BTG3: variants seen among roughly 807,000 people sequenced by gnomAD.
BTG3 encodes the protein BTG anti-proliferation factor 3, also known as protein BTG3.
Under a neutral mutation model 25.8 loss-of-function variants are expected in BTG3, and 4 were observed. The ratio of observed to expected loss-of-function variants is 0.16; its 90% CI spans 0.08 to 0.36. BTG3 has a LOEUF of 0.36. Among genes scored for constraint, BTG3 ranks in the 10% least tolerant of loss-of-function variants. The pLI is 1.00. For missense variants in BTG3, 201 were observed against 304.9 expected (o/e 0.66, Z 2.54); for synonymous variants, 107 against 99.9 (o/e 1.07, Z -0.42).
intron 2 of BTG3, among the ~76,000 whole-genome samples, chr21:17,605,336 G>A (rs1467779947): frequency 2.0e-5 from 3 of 152,070 alleles, no homozygotes; most frequent in Admixed American, 1.3e-4. Context: ...GTTTCTATAG[G>A]CCAAGTTCCT....
chr21:17,604,146 TA>T, intron 3 of BTG3: 1 of 1,282,846 alleles, frequency 7.8e-7, no homozygotes, highest in Admixed American at 2.6e-5. Context: ...GTCACTTACA[TA>T]ATCAAAAAGG....
In BTG3 at chr21:17,610,934, T is replaced by C. The variant is rs1014490354; in HGVS notation, c.-9+1765A>G. Among the ~76,000 whole-genome samples, 6 of 152,284 alleles carry C rather than the reference T, an allele frequency of 3.9e-5. No homozygotes were observed. The South Asian group carries it at 6.2e-4, about 16-fold the overall frequency. On this transcript the variant is annotated intron_variant, in intron 1 of 4. Coordinates refer to ENST00000348354, the MANE Select transcript of BTG3 (RefSeq NM_006806.5). ...TCACTGTGAAATAAATTCTACACAGTTATCTGAGAGGTGTGCTGGCAGCCG... is the reference window on the plus strand; with the variant it reads ...TCACTGTGAAATAAATTCTACACAGCTATCTGAGAGGTGTGCTGGCAGCCG...
chr21:17,608,825 G>A (rs1487794778), intron 2 of BTG3, 147 bp downstream of exon 2: 19 of 763,610 alleles, frequency 2.5e-5, no homozygotes, highest in Non-Finnish European at 3.5e-5. Context: ...TTTAAAATGA[G>A]TAAGGAGAAA....
At chr21:17,605,449 CAGAT>C (rs2061626917) in intron 2 of BTG3, among the ~76,000 whole-genome samples, 2 of 152,178 alleles carry the variant, frequency 1.3e-5, no homozygotes, top group Non-Finnish European at 2.9e-5. Context: ...TTTTATATCT[CAGAT>C]AGTAAAGTGG....
At chr21:17,610,313 A>T (rs2061702381) in intron 1 of BTG3, among the ~76,000 whole-genome samples, 1 of 152,232 alleles carries the variant, frequency 6.6e-6, no homozygotes, top group African/African-American at 2.4e-5. Flanking sequence ...TAAATGGGTG[A>T]ATTGCATGGT....
At chr21:17,601,981 C>T in intron 3 of BTG3, among the ~76,000 whole-genome samples, 1 of 152,154 alleles carries the variant, frequency 6.6e-6, no homozygotes, top group Admixed American at 6.5e-5. Context: ...GACTATACTA[C>T]TATAACATTA....
In BTG3 at chr21:17,598,641, A is replaced by G. The variant is rs757862214; in HGVS notation, c.495T>C (p.Thr165=). The change falls in exon 4 of 5, where the codon ACT becomes ACC. Residue 165 remains threonine (T), a synonymous_variant. Transcript: ENST00000348354. ...CCTGGTACACAGGACTTGCGGCTGC[A>G]GTCACCGAACTGGGTTTCACTTCCA... ...KEMEVKPSSV[T]AAASPVYQIS... is the part of the protein sequence containing the mutation. 6.2e-6 allele frequency: 10 copies of G among 1,614,108 alleles called. No individual in the cohort carries two copies. Among genetic ancestry groups the G allele is most frequent in the Non-Finnish European group, 6.8e-6 (8 of 1,180,014 alleles).
intron 3 of BTG3, among the ~76,000 whole-genome samples, chr21:17,603,903 A>C (rs530408688): frequency 1.3e-3 from 194 of 152,294 alleles, no homozygotes; most frequent in Non-Finnish European, 2.2e-3. Context: ...TCAGATAACA[A>C]TGTAATTTGC....
chr21:17,611,032 CAGCCAGCT>C (rs150421929), intron 1 of BTG3, among the ~76,000 whole-genome samples: 1,940 of 152,294 alleles, frequency 0.013, 46 homozygotes, highest in African/African-American at 0.045. Context: ...TCACCTTCTA[CAGCCAGCT>C]AGCAGGCACC....
At chr21:17,612,347 C>T (rs2061741761) in intron 1 of BTG3, 1 of 152,236 alleles carries the variant, frequency 6.6e-6, no homozygotes, top group African/African-American at 2.4e-5. Context: ...AGAAAAAACA[C>T]CGACGCGAAG....
chr21:17,606,674 T>C (rs113037333), intron 2 of BTG3, among the ~76,000 whole-genome samples: 3 of 152,216 alleles, frequency 2.0e-5, no homozygotes, highest in African/African-American at 7.2e-5. Flanking sequence ...CCTTACATGT[T>C]TTGTACTATT....
At position 17,598,730 on chromosome 21, in the gene BTG3, C is replaced by A; in HGVS notation, c.406G>T (p.Asp136Tyr). 1.2e-6 allele frequency: 2 copies of A among 1,614,150 alleles called. No individual in the cohort carries two copies. The highest frequency in any genetic ancestry group is 4.5e-5 in the East Asian group (2 of 44,878). Reference sequence around the variant, plus strand: ...GAATGATAATCAGAGGTAACCTTATCAAGGGCCCTGGTAACTTTCCTGGAG... The same window carrying A: ...GAATGATAATCAGAGGTAACCTTATAAAGGGCCCTGGTAACTTTCCTGGAG... ...EISRKVTRAL[D>Y]KVTSDYHSGS... The change falls in exon 4 of 5, where the codon GAT (aspartate) becomes TAT (tyrosine). Residue 136 changes from aspartate (D) to tyrosine (Y), a missense_variant. Asp to Tyr is a radical substitution (Grantham distance 160). Coordinates refer to ENST00000348354, the MANE Select transcript of BTG3 (RefSeq NM_006806.5).
intron 4 of BTG3, 106 bp downstream of exon 4, chr21:17,598,511 T>C: frequency 6.5e-6 from 6 of 924,046 alleles, no homozygotes; most frequent in East Asian, 5.2e-5. Context: ...AGAACTATTA[T>C]CCAGAATCTC....
At chr21:17,599,349 T>G (rs986769288) in intron 3 of BTG3, among the ~76,000 whole-genome samples, 1 of 152,098 alleles carries the variant, frequency 6.6e-6, no homozygotes, top group East Asian at 1.9e-4. Flanking sequence ...CTCAGCTAAT[T>G]TATATACATT....
rs190531489 is a variant in BTG3, at chr21:17,596,346, G to C, written c.520-2014C>G. ...ATTAGTTACTTTTTGTGACCCTCTA[G>C]AGGAAATATTTGCCTGTCACAAAAT... is the stretch of plus-strand genomic sequence containing the variant. On this transcript the variant is annotated intron_variant, in intron 4 of 4. Transcript: ENST00000348354. Among the ~76,000 whole-genome samples the C allele has an allele frequency of 4.9e-3, 746 of 152,006 alleles. 8 individuals carry two copies. The highest frequency in any genetic ancestry group is 0.017 in the African/African-American group (710 of 41,506).
intron 3 of BTG3, chr21:17,599,168 A>C (rs2061540346): frequency 4.8e-6 from 1 of 208,328 alleles, no homozygotes. Context: ...TGTACAATAA[A>C]ACATTCTGAT....
At position 17,612,819 on chromosome 21, in the gene BTG3, G is replaced by C. The variant is rs963342220; in HGVS notation, c.-129C>G. 1 of 152,212 alleles carries C rather than the reference G, an allele frequency of 6.6e-6. No homozygotes were observed. Among genetic ancestry groups the C allele is most frequent in the Non-Finnish European group, 1.5e-5 (1 of 68,092 alleles). 9.4% of individuals were successfully genotyped at this position (152,212 alleles called of 1,614,324 possible). A position where few individuals can be genotyped will look rare whatever the true frequency, so the allele number is the denominator to read the frequency against. On this transcript the variant is annotated 5_prime_UTR_variant, in exon 1 of 5. Coordinates refer to ENST00000348354, the MANE Select transcript of BTG3 (RefSeq NM_006806.5). The stretch of plus-strand genomic sequence containing the variant: ...GGCAACAGGGAGCGCAGCGAGCCTC[G>C]TCCGGCGCGTGCGGCTCCCGCGTCG...
At chr21:17,611,008 C>G (rs963643750) in intron 1 of BTG3, among the ~76,000 whole-genome samples, 2 of 152,108 alleles carry the variant, frequency 1.3e-5, no homozygotes, top group African/African-American at 4.8e-5. Flanking sequence ...TCCCAGAACC[C>G]TAGAATGAGA....
intron 3 of BTG3, among the ~76,000 whole-genome samples, chr21:17,602,609 A>G (rs1273075534): frequency 6.6e-6 from 1 of 152,142 alleles, no homozygotes; most frequent in Non-Finnish European, 1.5e-5. Flanking sequence ...TGACACTCGC[A>G]GGTGATTTCT....
Sources: allele counts gnomAD v4.1 joint callset (sites outside exome capture counted in the v4.1 genomes callset), GRCh38; gene constraint gnomAD v4.1.1; transcripts MANE v1.5; gene names NCBI Gene and HGNC (gene_info 2026-07-23, HGNC 2026-07-21).